MDFI: variants seen among roughly 807,000 people sequenced by gnomAD.
The protein encoded by MDFI is inhibitor of MyoD family a.
A neutral mutation model predicts 22.3 loss-of-function variants in MDFI; 16 were observed. That is an observed-to-expected ratio of 0.72 (90% CI 0.49 to 1.09). The LOEUF is 1.09. MDFI is among the 50% of genes least tolerant of loss of function. MDFI has a pLI of 0.00. For missense variants in MDFI, 314 were observed against 326.1 expected (o/e 0.96, Z 0.29); for synonymous variants, 145 against 142.7 (o/e 1.02, Z -0.12).
intron 2 of MDFI, 111 bp from the exon 3 acceptor site, chr6:41,646,015 A>C: frequency 1.0e-6 from 1 of 999,400 alleles, no homozygotes; most frequent in African/African-American, 1.7e-5. Context: ...TGATGCAGAC[A>C]GACAAAGAAT....
At chr6:41,640,386 C>T (rs1450653891) in intron 2 of MDFI, among the ~76,000 whole-genome samples, 2 of 152,226 alleles carry the variant, frequency 1.3e-5, no homozygotes, top group African/African-American at 4.8e-5. Flanking sequence ...CTGCACACAA[C>T]CGGGGCCAGC....
In MDFI at chr6:41,653,195, C is replaced by G. The variant is rs1341448683; in HGVS notation, c.485-124C>G. On this transcript the variant is annotated intron_variant, in intron 4 of 4. Transcript: ENST00000230321. The surrounding 1 kb of genome is among the most constrained non-coding windows in gnomAD (Gnocchi z 4.2). The stretch of plus-strand genomic sequence containing the variant: ...TGGGGACGGATTCGTGAGCTTCAGG[C>G]ACACAGTGAACACTCAGCGTCCCTG... The G allele has an allele frequency of 1.0e-6, 1 of 978,396 alleles. No homozygotes were observed. The highest frequency in any genetic ancestry group is 1.6e-6 in the Non-Finnish European group (1 of 640,172). 60.6% of individuals were successfully genotyped at this position (978,396 alleles called of 1,614,324 possible).
chr6:41,653,528 T>C lies in MDFI; in HGVS notation c.694T>C (p.Cys232Arg). ...GGATGCCTGCTGCGAGTCCGCGGAC[T>C]GCCTGGAGATCTGCATGGAGTGCTG... is the stretch of plus-strand genomic sequence containing the variant. ...ILDACCESAD[C>R]LEICMECCGL... Residue 232 changes from cysteine (C) to arginine (R), a missense_variant, in exon 5 of 5, where the codon TGC becomes CGC. Physicochemically the swap from Cys to Arg is radical, Grantham distance 180. Coordinates refer to ENST00000230321, the MANE Select transcript of MDFI (RefSeq NM_005586.4). The surrounding 1 kb of genome is among the most constrained non-coding windows in gnomAD (Gnocchi z 4.2). 2 of 1,601,644 alleles carry C rather than the reference T, an allele frequency of 1.2e-6. No individual in the cohort carries two copies. The highest frequency in any genetic ancestry group is 1.7e-6 in the Non-Finnish European group (2 of 1,179,956).
Position 41,649,824 on chromosome 6 carries a change from C to T in MDFI, c.465C>T (p.Ile155=). Residue 155 remains isoleucine (I), a synonymous_variant, in exon 4 of 5, where the codon ATC becomes ATT. Transcript: ENST00000230321. ...KSSSKSTTSQ[I]PLQAQEDCCV... The stretch of plus-strand genomic sequence containing the variant: ...GCAGCAAATCCACCACCTCCCAGAT[C>T]CCCCTCCAGGCACAGGAAGGTAAGC... 1 of 1,613,722 alleles carries T rather than the reference C, an allele frequency of 6.2e-7. No individual in the cohort carries two copies. The highest frequency in any genetic ancestry group is 8.5e-7 in the Non-Finnish European group (1 of 1,179,854).
chr6:41,649,823 T>TC lies in MDFI; in HGVS notation c.469dup (p.Leu157ProfsTer182), dbSNP rs1332728784. 6.2e-7 allele frequency: 1 copy of TC among 1,613,010 alleles called. No individual in the cohort carries two copies. Among genetic ancestry groups the TC allele is most frequent in the Non-Finnish European group, 8.5e-7 (1 of 1,179,710 alleles). On this transcript the variant is annotated frameshift_variant, in exon 4 of 5. Transcript: ENST00000230321. LOFTEE classifies it high-confidence loss of function. ...AGCAGCAAATCCACCACCTCCCAGA[T>TC]CCCCCTCCAGGCACAGGAAGGTAAG...
chr6:41,647,750 G>A (rs1187703088), intron 3 of MDFI, among the ~76,000 whole-genome samples: 1 of 152,034 alleles, frequency 6.6e-6, no homozygotes, highest in East Asian at 1.9e-4. Flanking sequence ...GATCTATTGC[G>A]ATGCCTAAAG....
chr6:41,647,505 C>G (rs946550910), intron 3 of MDFI, among the ~76,000 whole-genome samples: 2 of 152,216 alleles, frequency 1.3e-5, no homozygotes, highest in African/African-American at 4.8e-5. Context: ...CTAACCATAG[C>G]CTTAACCCTG....
At chr6:41,637,288 T>C (rs930790236), upstream of MDFI, 10 of 151,360 alleles carry the variant, frequency 6.6e-5, no homozygotes, top group African/African-American at 2.4e-4. This position sits in a 1 kb window ranked among gnomAD's most constrained non-coding sequence, Gnocchi z 6.8. Context: ...GTAGCGACTA[T>C]GGGGGCTAGG....
intron 4 of MDFI, among the ~76,000 whole-genome samples, chr6:41,651,511 CAGG>C: frequency 6.6e-6 from 1 of 151,946 alleles, no homozygotes; most frequent in Non-Finnish European, 1.5e-5. Context: ...AGACTCCTAG[CAGG>C]CAGGGGTCCT....
Position 41,638,779 on chromosome 6 carries a change from TGGCTGCGACGCGCCCTATGGA to T in MDFI, c.32_52del (p.Gly11_Gly17del), listed in dbSNP as rs1767730180. On this transcript the variant is annotated inframe_deletion, in exon 2 of 5. Coordinates refer to ENST00000230321, the MANE Select transcript of MDFI (RefSeq NM_005586.4). This position sits in a 1 kb window ranked among gnomAD's most constrained non-coding sequence, Gnocchi z 7.6. ...ACCAGGTGAGCGGCCAGCGCCCCTCTGGCTGCGACGCGCCCTATGGAGCCCCCAGCGCAGCCCCGGGCCCAG... is the reference window on the plus strand; with the variant it reads ...ACCAGGTGAGCGGCCAGCGCCCCTCTGCCCCCAGCGCAGCCCCGGGCCCAG... 1 of 1,571,472 alleles carries T rather than the reference TGGCTGCGACGCGCCCTATGGA, an allele frequency of 6.4e-7. No homozygotes were observed. The highest frequency in any genetic ancestry group is 1.3e-5 in the African/African-American group (1 of 74,240).
At chr6:41,639,395 G>C (rs1270800861) in intron 2 of MDFI, 3 of 985,050 alleles carry the variant, frequency 3.0e-6, no homozygotes, top group African/African-American at 1.7e-5. Flanking sequence ...GCACACACAC[G>C]CACCCCAACC....
intron 3 of MDFI, among the ~76,000 whole-genome samples, chr6:41,647,922 A>G (rs1768113170): frequency 6.6e-6 from 1 of 151,454 alleles, no homozygotes; most frequent in African/African-American, 2.4e-5. Flanking sequence ...GGGCGCATGT[A>G]GTCCCTAGCT....
intron 3 of MDFI, among the ~76,000 whole-genome samples, chr6:41,647,756 T>C (rs1768105304): frequency 6.6e-6 from 1 of 152,070 alleles, no homozygotes; most frequent in African/African-American, 2.4e-5. Context: ...TTGCGATGCC[T>C]AAAGAAGCTG....
At chr6:41,648,618 C>G (rs192402101) in intron 3 of MDFI, among the ~76,000 whole-genome samples, 2 of 152,148 alleles carry the variant, frequency 1.3e-5, no homozygotes, top group African/African-American at 2.4e-5. Context: ...AAGTGCCCCC[C>G]ACATTTACAG....
Position 41,653,271 on chromosome 6 carries a change from C to T in MDFI, c.485-48C>T, listed in dbSNP as rs966091201. 1.9e-6 allele frequency: 3 copies of T among 1,584,678 alleles called. No homozygotes were observed. The highest frequency in any genetic ancestry group is 2.6e-6 in the Non-Finnish European group (3 of 1,161,772). On this transcript the variant is annotated intron_variant, in intron 4 of 4. Transcript: ENST00000230321. The surrounding 1 kb of genome is among the most constrained non-coding windows in gnomAD (Gnocchi z 4.2). ...CACCCCCGGCTATTTCACACACGCT[C>T]ATCCCTCCCCTCTCTCACCCGTCCC...
chr6:41,639,422 A>C, intron 2 of MDFI: 1 of 985,352 alleles, frequency 1.0e-6, no homozygotes, highest in Admixed American at 6.1e-5. Flanking sequence ...CTTCAGCCCA[A>C]GTGAAATGCC....
chr6:41,640,581 A>G (rs1344389607), intron 2 of MDFI, among the ~76,000 whole-genome samples: 1 of 152,224 alleles, frequency 6.6e-6, no homozygotes, highest in Non-Finnish European at 1.5e-5. Context: ...AGACCCAGCC[A>G]AAACCCCACA....
At position 41,649,800 on chromosome 6, in the gene MDFI, C is replaced by T; in HGVS notation, c.441C>T (p.Ser147=). Residue 147 remains serine, a synonymous_variant, in exon 4 of 5, where the codon AGC becomes AGT. Transcript: ENST00000230321. ...AGGGCAGCAAGAAGAGTAAGAGCAG[C>T]AGCAAATCCACCACCTCCCAGATCC... The part of the protein sequence containing the change: ...ASQGSKKSKS[S]SKSTTSQIPL... 5 of 1,614,072 alleles carry T rather than the reference C, an allele frequency of 3.1e-6. No homozygotes were observed. Among genetic ancestry groups the T allele is most frequent in the Non-Finnish European group, 4.2e-6 (5 of 1,180,000 alleles).
In MDFI at chr6:41,653,075, A is replaced by C. The variant is rs1768337325; in HGVS notation, c.485-244A>C. Among the ~76,000 whole-genome samples, 1 of 152,188 alleles carries C rather than the reference A, an allele frequency of 6.6e-6. No homozygotes were observed. The highest frequency in any genetic ancestry group is 1.5e-5 in the Non-Finnish European group (1 of 68,028). On this transcript the variant is annotated intron_variant, in intron 4 of 4. Coordinates refer to ENST00000230321, the MANE Select transcript of MDFI (RefSeq NM_005586.4). The surrounding 1 kb of genome is among the most constrained non-coding windows in gnomAD (Gnocchi z 4.2). ...CTCCATATGTTGGTTAAACAAATAA[A>C]CAGAGGGTGGCTAAGAGCAAGGATG...
Sources: gnomAD v4.1 joint callset for allele counts (sites outside exome capture counted in the v4.1 genomes callset) on GRCh38, gnomAD v4.1.1 for gene constraint, Gnocchi (gnomAD v3.1) non-coding constraint, MANE v1.5 for transcripts, NCBI Gene and HGNC (gene_info 2026-07-23, HGNC 2026-07-21) for gene names.